The following PTPRM variants were observed in gnomAD, a reference collection of about 807,000 sequenced individuals.
The protein encoded by PTPRM is protein tyrosine phosphatase receptor type M, also known as receptor-type tyrosine-protein phosphatase mu.
In PTPRM, 47 loss-of-function variants were observed where a neutral mutation model predicts 186.7. The ratio of observed to expected loss-of-function variants is 0.25; its 90% CI spans 0.20 to 0.32. PTPRM has a LOEUF of 0.32. PTPRM is among the 10% of genes least tolerant of loss of function. The pLI is 1.00. For missense variants in PTPRM, 1,494 were observed against 1,865.0 expected, an observed-to-expected ratio of 0.80 and a Z score of 3.66; for synonymous variants, 668 against 674.9, an observed-to-expected ratio of 0.99 and a Z score of 0.16.
chr18:8,337,781 C>G (rs1271624328), intron 22 of PTPRM, among the ~76,000 whole-genome samples: 3 of 152,076 alleles, frequency 2.0e-5, no homozygotes, highest in African/African-American at 4.8e-5. Context: ...CGGGAGGACG[C>G]TGGGAAGGAG....
intron 1 of PTPRM, among the ~76,000 whole-genome samples, chr18:7,703,329 G>A (rs891932122): frequency 6.6e-6 from 1 of 151,968 alleles, no homozygotes; most frequent in Non-Finnish European, 1.5e-5. Flanking sequence ...TCCATTTTTT[G>A]TGTCCTCTCT....
intron 7 of PTPRM, among the ~76,000 whole-genome samples, chr18:7,966,567 G>A (rs1309174644): frequency 6.7e-6 from 1 of 148,436 alleles, no homozygotes. Flanking sequence ...ACTAGGGAGT[G>A]CCAGACAGTG....
At chr18:8,026,716 G>C (rs544837765) in intron 7 of PTPRM, among the ~76,000 whole-genome samples, 176 of 152,220 alleles carry the variant, frequency 1.2e-3, no homozygotes, top group African/African-American at 3.9e-3. Context: ...AAATTAGCCA[G>C]GTGTGGTGGT....
In PTPRM at chr18:7,902,875, G is replaced by C. The variant is rs558739421; in HGVS notation, c.469-3630G>C. Among the ~76,000 whole-genome samples the C allele has an allele frequency of 3.1e-4, 46 of 148,576 alleles. No homozygotes were observed. In the South Asian group the frequency reaches 9.3e-3, roughly 30 times the overall value. On this transcript the variant is annotated intron_variant, in intron 3 of 32. Coordinates refer to ENST00000580170, the MANE Select transcript of PTPRM (RefSeq NM_001105244.2). ...TTGTACTCTCCTTTGCTTTGGTAAG[G>C]GTATGACCCTGTATAGCTTTAAACA...
intron 1 of PTPRM, among the ~76,000 whole-genome samples, chr18:7,706,601 C>CAAAA (rs766639399): frequency 0.016 from 250 of 15,950 alleles, 13 homozygotes; most frequent in East Asian, 0.067. Flanking sequence ...GACCTTGTCT[C>CAAAA]AAAAAAAAAA....
intron 1 of PTPRM, among the ~76,000 whole-genome samples, chr18:7,733,816 C>T (rs2040711585): frequency 6.6e-6 from 1 of 152,190 alleles, no homozygotes; most frequent in Non-Finnish European, 1.5e-5. Context: ...TGGCTCCACC[C>T]CATTCCCCCA....
chr18:8,249,205 C>G (rs1243300265), intron 17 of PTPRM, among the ~76,000 whole-genome samples: 2 of 152,140 alleles, frequency 1.3e-5, no homozygotes, highest in Admixed American at 1.3e-4. Flanking sequence ...ATTTTTCCCC[C>G]CTCTGCTTCT....
intron 20 of PTPRM, among the ~76,000 whole-genome samples, chr18:8,299,683 A>G (rs894311331): frequency 6.6e-6 from 1 of 152,204 alleles, no homozygotes; most frequent in East Asian, 1.9e-4. Context: ...TTTTTTCTGT[A>G]AAGGGTCCAG....
intron 14 of PTPRM, among the ~76,000 whole-genome samples, chr18:8,225,715 G>A (rs2094205553): frequency 6.6e-6 from 1 of 152,206 alleles, no homozygotes; most frequent in African/African-American, 2.4e-5. Flanking sequence ...TTGGTAAATA[G>A]TGAAATATAA....
At chr18:7,850,124 A>G (rs1472955485) in intron 2 of PTPRM, among the ~76,000 whole-genome samples, 3 of 152,176 alleles carry the variant, frequency 2.0e-5, no homozygotes, top group Non-Finnish European at 2.9e-5. Context: ...TGGGTGATTC[A>G]TGTACCAATA....
At chr18:8,380,218 C>T in intron 28 of PTPRM, 78 bp from the exon 29 acceptor site, 2 of 1,492,644 alleles carry the variant, frequency 1.3e-6, no homozygotes, top group Non-Finnish European at 1.8e-6. Flanking sequence ...CACAAGCTTC[C>T]TTCTGCATGA....
intron 4 of PTPRM, among the ~76,000 whole-genome samples, chr18:7,907,717 A>C (rs2050062125): frequency 6.6e-6 from 1 of 152,048 alleles, no homozygotes; most frequent in Non-Finnish European, 1.5e-5. Flanking sequence ...ACTTTTACTG[A>C]GAAACATATA....
intron 1 of PTPRM, among the ~76,000 whole-genome samples, chr18:7,772,388 TTTC>T (rs2042346152): frequency 1.6e-4 from 22 of 137,196 alleles, no homozygotes; most frequent in East Asian, 6.9e-4. Flanking sequence ...TCTTTCTTTC[TTTC>T]TTTCTTTCTT....
At chr18:7,610,147 C>G (rs189105226) in intron 1 of PTPRM, among the ~76,000 whole-genome samples, 85 of 152,264 alleles carry the variant, frequency 5.6e-4, no homozygotes, top group African/African-American at 2.0e-3. Flanking sequence ...CTCAAAGACT[C>G]CTTCAACTAG....
At chr18:8,080,049 A>T (rs1178335903) in intron 9 of PTPRM, among the ~76,000 whole-genome samples, 2 of 152,198 alleles carry the variant, frequency 1.3e-5, no homozygotes, top group African/African-American at 4.8e-5. Flanking sequence ...ATGATTGAGA[A>T]ATGGAGTATT....
intron 21 of PTPRM, among the ~76,000 whole-genome samples, chr18:8,317,414 C>G (rs1195403307): frequency 3.9e-5 from 6 of 152,100 alleles, no homozygotes; most frequent in South Asian, 4.2e-4. Flanking sequence ...TATATTAGAC[C>G]TCCCAGTGGA....
At chr18:7,836,027 G>A (rs2046031491) in intron 2 of PTPRM, among the ~76,000 whole-genome samples, 2 of 152,028 alleles carry the variant, frequency 1.3e-5, no homozygotes, top group Admixed American at 1.3e-4. Context: ...ACAGATTATT[G>A]AGTCTTGTTA....
At chr18:8,177,016 A>G (rs920677448) in intron 14 of PTPRM, among the ~76,000 whole-genome samples, 6 of 152,056 alleles carry the variant, frequency 3.9e-5, no homozygotes, top group African/African-American at 1.4e-4. Context: ...CTGATTTCTC[A>G]ATTATGTTTT....
chr18:7,760,347 T>G (rs970658241), intron 1 of PTPRM, among the ~76,000 whole-genome samples: 1 of 152,198 alleles, frequency 6.6e-6, no homozygotes, highest in African/African-American at 2.4e-5. Context: ...TTAGAGATAA[T>G]CTAGGCCTGG....
Sources: allele counts gnomAD v4.1 joint callset (sites outside exome capture counted in the v4.1 genomes callset), GRCh38; gene constraint gnomAD v4.1.1; transcripts MANE v1.5; gene names NCBI Gene and HGNC (gene_info 2026-07-23, HGNC 2026-07-21).